Variants in FAM117B observed in about 807,000 individuals in gnomAD.
The protein encoded by FAM117B is protein FAM117B.
FAM117B carries 22 observed loss-of-function variants against 52.8 expected under a neutral mutation model. That is an observed-to-expected ratio of 0.42 (90% CI 0.30 to 0.59). FAM117B has a LOEUF of 0.59. Among genes scored for constraint, FAM117B ranks in the 20% least tolerant of loss-of-function variants. The pLI is 0.22. For missense variants in FAM117B, 678 were observed against 802.6 expected (o/e 0.84, Z 1.88); for synonymous variants, 309 against 324.1 (o/e 0.95, Z 0.50).
chr2:202,666,323 T>C (rs1354675740), intron 1 of FAM117B, among the ~76,000 whole-genome samples: 1 of 152,018 alleles, frequency 6.6e-6, no homozygotes, highest in Non-Finnish European at 1.5e-5. Context: ...AGAAAACTAA[T>C]TTAAAAAATG....
intron 4 of FAM117B, among the ~76,000 whole-genome samples, chr2:202,738,464 A>G (rs1261682681): frequency 6.6e-6 from 1 of 152,216 alleles, no homozygotes; most frequent in Admixed American, 6.5e-5. Context: ...AAAAGAAGAC[A>G]TCAGTTCAGA....
At chr2:202,762,048 TTTA>T (rs1691898259) in intron 7 of FAM117B, among the ~76,000 whole-genome samples, 1 of 152,178 alleles carries the variant, frequency 6.6e-6, no homozygotes, top group South Asian at 2.1e-4. Context: ...CTCAAAGTCT[TTTA>T]AAAAAATTAG....
chr2:202,648,542 CAT>C (rs141162650), intron 1 of FAM117B, among the ~76,000 whole-genome samples: 2 of 120,094 alleles, frequency 1.7e-5, no homozygotes, highest in South Asian at 2.8e-4. Context: ...ACAAAAAATA[CAT>C]ATATATATAT....
At chr2:202,756,280 A>G (rs959485089) in intron 5 of FAM117B, among the ~76,000 whole-genome samples, 1 of 151,962 alleles carries the variant, frequency 6.6e-6, no homozygotes, top group Non-Finnish European at 1.5e-5. Flanking sequence ...TAAGCTGGGC[A>G]TGGTGGTGCG....
intron 2 of FAM117B, among the ~76,000 whole-genome samples, chr2:202,709,956 T>A (rs1690933565): frequency 6.6e-6 from 1 of 152,230 alleles, no homozygotes; most frequent in South Asian, 2.1e-4. Flanking sequence ...TGGATTTATT[T>A]ATGGGCTGTC....
chr2:202,736,136 G>A (rs1471314693), intron 4 of FAM117B, among the ~76,000 whole-genome samples: 1 of 152,152 alleles, frequency 6.6e-6, no homozygotes, highest in East Asian at 1.9e-4. Flanking sequence ...ATTGTAATTT[G>A]AAAATGAAAA....
rs183464781 is a variant in FAM117B, at chr2:202,757,468, T to C, written c.1330+30T>C. 5.3e-5 allele frequency: 85 copies of C among 1,590,328 alleles called. 2 individuals carry two copies. In the Admixed American group the frequency reaches 1.2e-3, roughly 22 times the overall value. ...AGTGCTGGAGGAATGTGCTACTAGA[T>C]GATAATGGAATACCTCCTCTTGTAT... On this transcript the variant is annotated intron_variant, in intron 6 of 7. Coordinates refer to ENST00000392238, the MANE Select transcript of FAM117B (RefSeq NM_173511.4).
intron 4 of FAM117B, among the ~76,000 whole-genome samples, chr2:202,732,154 G>C (rs1441743622): frequency 6.6e-6 from 1 of 150,862 alleles, no homozygotes; most frequent in Non-Finnish European, 1.5e-5. Context: ...GCTTTCCAAA[G>C]TGCCGGGATT....
intron 1 of FAM117B, among the ~76,000 whole-genome samples, chr2:202,682,651 C>G (rs564811399): frequency 2.6e-5 from 4 of 152,308 alleles, no homozygotes; most frequent in African/African-American, 9.6e-5. Context: ...AAACTGTATG[C>G]TGAGCCATAA....
At chr2:202,746,963 CA>C (rs993415927) in intron 4 of FAM117B, among the ~76,000 whole-genome samples, 11 of 40,808 alleles carry the variant, frequency 2.7e-4, no homozygotes, top group African/African-American at 5.2e-4. Flanking sequence ...AAAAACAAAA[CA>C]AAAAAAAACA....
chr2:202,682,786 T>G (rs1690482434), intron 1 of FAM117B, among the ~76,000 whole-genome samples: 1 of 152,200 alleles, frequency 6.6e-6, no homozygotes, highest in African/African-American at 2.4e-5. Context: ...GAAATTAAAC[T>G]TTTCTAAATA....
At chr2:202,688,052 A>C (rs1345681661) in intron 1 of FAM117B, among the ~76,000 whole-genome samples, 1 of 152,208 alleles carries the variant, frequency 6.6e-6, no homozygotes, top group Non-Finnish European at 1.5e-5. Context: ...ATAAATTCTC[A>C]TGTAAGTTTA....
intron 1 of FAM117B, among the ~76,000 whole-genome samples, chr2:202,690,058 A>G (rs1414140828): frequency 6.6e-6 from 1 of 152,234 alleles, no homozygotes; most frequent in Non-Finnish European, 1.5e-5. Context: ...GGGATGCTCC[A>G]CTAGTGCAGC....
At chr2:202,638,913 CT>C (rs1689725739) in intron 1 of FAM117B, among the ~76,000 whole-genome samples, 1 of 152,190 alleles carries the variant, frequency 6.6e-6, no homozygotes, top group Non-Finnish European at 1.5e-5. Context: ...TTGTTTCACT[CT>C]AGTAAATATC....
Position 202,638,512 on chromosome 2 carries a change from C to A in FAM117B, c.601+2724C>A, listed in dbSNP as rs147687588. 4.6e-5 allele frequency among the ~76,000 whole-genome samples: 7 copies of A among 152,284 alleles called. No homozygotes were observed. In the East Asian group the frequency reaches 1.2e-3, roughly 25 times the overall value. On this transcript the variant is annotated intron_variant, in intron 1 of 7. Coordinates refer to ENST00000392238, the MANE Select transcript of FAM117B (RefSeq NM_173511.4). ...CTCTTCATGGTTTTTGAACGCTCCCCTTCCCTAGATCATCCCGTAGAGTAT... is the reference window on the plus strand; with the variant it reads ...CTCTTCATGGTTTTTGAACGCTCCCATTCCCTAGATCATCCCGTAGAGTAT...
chr2:202,675,861 C>G (rs763040611), intron 1 of FAM117B, among the ~76,000 whole-genome samples: 1 of 151,322 alleles, frequency 6.6e-6, no homozygotes, highest in Non-Finnish European at 1.5e-5. Flanking sequence ...GGCATGTGCC[C>G]GTAATCCCAG....
chr2:202,691,832 T>A (rs959089305), intron 1 of FAM117B, among the ~76,000 whole-genome samples: 1 of 152,186 alleles, frequency 6.6e-6, no homozygotes, highest in Non-Finnish European at 1.5e-5. Context: ...GTTAATAATG[T>A]GGGTACATAT....
intron 2 of FAM117B, among the ~76,000 whole-genome samples, chr2:202,724,338 C>T (rs78064674): frequency 0.08 from 12,148 of 152,202 alleles, 1,622 homozygotes; most frequent in African/African-American, 0.27. Context: ...CCACCGCGCC[C>T]AGCCAGGTTT....
intron 1 of FAM117B, among the ~76,000 whole-genome samples, chr2:202,671,977 A>G (rs1690306772): frequency 6.6e-6 from 1 of 152,164 alleles, no homozygotes; most frequent in African/African-American, 2.4e-5. Flanking sequence ...GGGAAAAATC[A>G]TGGAGAAAGT....
Sources: allele counts gnomAD v4.1 joint callset (sites outside exome capture counted in the v4.1 genomes callset), GRCh38; gene constraint gnomAD v4.1.1; transcripts MANE v1.5; gene names NCBI Gene and HGNC (gene_info 2026-07-23, HGNC 2026-07-21).